Variants in KCNIP4 observed in about 807,000 individuals in gnomAD.
KCNIP4 encodes potassium voltage-gated channel interacting protein 4, also known as Kv channel-interacting protein 4.
A neutral mutation model predicts 34.0 loss-of-function variants in KCNIP4; 12 were observed. The observed-to-expected ratio is 0.35, with a 90% CI of 0.23 to 0.57. KCNIP4 has a LOEUF of 0.57. Ranked by LOEUF, KCNIP4 falls within the 20% of genes least tolerant of loss-of-function variation. The pLI, the probability that KCNIP4 is intolerant of heterozygous loss-of-function variation, is 0.83. For synonymous variants in KCNIP4, 124 were observed against 102.2 expected (o/e 1.21, Z -1.29); for missense variants, 238 against 311.7 (o/e 0.76, Z 1.78).
At chr4:21,298,001 A>G (rs902095657) in intron 1 of KCNIP4, among the ~76,000 whole-genome samples, 3 of 151,944 alleles carry the variant, frequency 2.0e-5, no homozygotes, top group Admixed American at 2.0e-4. Flanking sequence ...ATTAATCTAG[A>G]CTCCTTCATT....
At chr4:21,917,884 C>T (rs2203273) in intron 1 of KCNIP4, among the ~76,000 whole-genome samples, 2,981 of 152,254 alleles carry the variant, frequency 0.02, 115 homozygotes, top group African/African-American at 0.067. Context: ...ACTGAAATCT[C>T]TCATTCAGAC....
chr4:20,957,409 C>A (rs1456714594), intron 1 of KCNIP4, among the ~76,000 whole-genome samples: 2 of 152,092 alleles, frequency 1.3e-5, no homozygotes, highest in Non-Finnish European at 2.9e-5. Context: ...TTTTATAGTT[C>A]TGGAAACTAA....
intron 1 of KCNIP4, among the ~76,000 whole-genome samples, chr4:21,607,730 C>T: frequency 6.6e-6 from 1 of 152,056 alleles, no homozygotes; most frequent in East Asian, 1.9e-4. Context: ...CCTAAGATGT[C>T]ATGCAAGCCA....
At chr4:21,559,831 T>C (rs1284827142) in intron 1 of KCNIP4, among the ~76,000 whole-genome samples, 1 of 152,146 alleles carries the variant, frequency 6.6e-6, no homozygotes, top group African/African-American at 2.4e-5. Flanking sequence ...ATCATCTGTA[T>C]CTCTTACTAC....
chr4:21,429,745 A>G (rs1421093890), intron 1 of KCNIP4, among the ~76,000 whole-genome samples: 1 of 152,192 alleles, frequency 6.6e-6, no homozygotes, highest in Admixed American at 6.5e-5. Flanking sequence ...CTGATAATTT[A>G]TAATTCTGCA....
chr4:21,573,243 C>A, intron 1 of KCNIP4, among the ~76,000 whole-genome samples: 1 of 152,220 alleles, frequency 6.6e-6, no homozygotes, highest in East Asian at 1.9e-4. Context: ...GTACCAGGAA[C>A]TTTAAATGTA....
intron 1 of KCNIP4, among the ~76,000 whole-genome samples, chr4:21,095,642 G>A (rs1452426181): frequency 6.6e-6 from 1 of 152,110 alleles, no homozygotes; most frequent in Non-Finnish European, 1.5e-5. Flanking sequence ...GTGTGTAAGA[G>A]AATATTCTAA....
intron 1 of KCNIP4, among the ~76,000 whole-genome samples, chr4:21,461,677 A>G (rs1729478159): frequency 6.6e-6 from 1 of 151,896 alleles, no homozygotes; most frequent in African/African-American, 2.4e-5. Flanking sequence ...CAACTGAGTC[A>G]ACTTGCTCCT....
chr4:21,365,077 T>C (rs769041470), intron 1 of KCNIP4, among the ~76,000 whole-genome samples: 12 of 152,160 alleles, frequency 7.9e-5, no homozygotes, highest in Non-Finnish European at 1.6e-4. Flanking sequence ...TTGAAATCTA[T>C]GGTGGGTAAA....
chr4:21,297,096 A>C (rs1763883741), intron 1 of KCNIP4, among the ~76,000 whole-genome samples: 1 of 140,508 alleles, frequency 7.1e-6, no homozygotes, highest in Non-Finnish European at 1.5e-5. Context: ...GCTATATCAA[A>C]TATGTGTATA....
At chr4:21,144,199 T>C (rs1195450295) in intron 1 of KCNIP4, among the ~76,000 whole-genome samples, 4 of 152,218 alleles carry the variant, frequency 2.6e-5, no homozygotes, top group Admixed American at 2.0e-4. Context: ...TCAGTTCACG[T>C]TGGCATTACT....
intron 1 of KCNIP4, among the ~76,000 whole-genome samples, chr4:21,458,422 T>A (rs1316935784): frequency 6.6e-6 from 1 of 151,906 alleles, no homozygotes; most frequent in Non-Finnish European, 1.5e-5. Flanking sequence ...GTTCCAAGTC[T>A]TTGCTATTGT....
chr4:21,662,162 A>G (rs1485399512), intron 1 of KCNIP4, among the ~76,000 whole-genome samples: 1 of 152,196 alleles, frequency 6.6e-6, no homozygotes, highest in Non-Finnish European at 1.5e-5. Context: ...AGCTTAAAGA[A>G]ATACAAAGCA....
In KCNIP4 at chr4:21,276,365, T is replaced by C. The variant is rs77806581; in HGVS notation, c.62-393656A>G. On this transcript the variant is annotated intron_variant, in intron 1 of 8. Transcript: ENST00000382152. Reference sequence around the variant, plus strand: ...CCTAGTAAACTGAGATTTTCTCTTTTTTTTTTTTTTTTTTTGGGTAGATAC... The same window carrying C: ...CCTAGTAAACTGAGATTTTCTCTTTCTTTTTTTTTTTTTTTGGGTAGATAC... 4.5e-3 allele frequency among the ~76,000 whole-genome samples: 671 copies of C among 147,672 alleles called. 4 individuals carry two copies. Among genetic ancestry groups the C allele is most frequent in the Non-Finnish European group, 5.7e-3 (382 of 67,016 alleles).
At chr4:21,111,812 C>A (rs954195831) in intron 1 of KCNIP4, among the ~76,000 whole-genome samples, 4 of 152,090 alleles carry the variant, frequency 2.6e-5, no homozygotes, top group African/African-American at 7.2e-5. Context: ...TGATGGAGAC[C>A]CAGACATGAC....
At chr4:21,360,931 A>T (rs561313737) in intron 1 of KCNIP4, among the ~76,000 whole-genome samples, 17 of 152,170 alleles carry the variant, frequency 1.1e-4, no homozygotes, top group Non-Finnish European at 1.9e-4. Flanking sequence ...AATCCATTTA[A>T]TTTTGCTTTA....
At chr4:21,018,197 C>G (rs765446658) in intron 1 of KCNIP4, among the ~76,000 whole-genome samples, 15 of 152,140 alleles carry the variant, frequency 9.9e-5, no homozygotes, top group Non-Finnish European at 1.5e-4. Flanking sequence ...TCTCTAAACT[C>G]TCTCTTTTCT....
chr4:21,935,650 C>T (rs1181277401), intron 1 of KCNIP4, among the ~76,000 whole-genome samples: 1 of 151,948 alleles, frequency 6.6e-6, no homozygotes, highest in African/African-American at 2.4e-5. Flanking sequence ...AATGTCACTT[C>T]CTCAGAACTC....
intron 1 of KCNIP4, among the ~76,000 whole-genome samples, chr4:21,250,850 A>G (rs1488441314): frequency 1.3e-5 from 2 of 150,998 alleles, no homozygotes; most frequent in Non-Finnish European, 3.0e-5. Flanking sequence ...TATATCAAAC[A>G]TATGTTAAAA....
Sources: gnomAD v4.1 joint callset for allele counts (sites outside exome capture counted in the v4.1 genomes callset) on GRCh38, gnomAD v4.1.1 for gene constraint, MANE v1.5 for transcripts, NCBI Gene and HGNC (gene_info 2026-07-23, HGNC 2026-07-21) for gene names.